SUPT7L: variants seen among roughly 807,000 people sequenced by gnomAD.
The protein encoded by SUPT7L is STAGA complex 65 subunit gamma.
Under a neutral mutation model 35.7 loss-of-function variants are expected in SUPT7L, and 15 were observed. The ratio of observed to expected loss-of-function variants is 0.42; its 90% CI spans 0.28 to 0.65. The LOEUF is 0.65. SUPT7L is among the 30% of genes least tolerant of loss of function. The pLI, the probability that SUPT7L is intolerant of heterozygous loss-of-function variation, is 0.23. For missense variants in SUPT7L, 434 were observed against 522.2 expected (o/e 0.83, Z 1.65); for synonymous variants, 168 against 186.2 (o/e 0.90, Z 0.79).
At chr2:27,644,725 T>G in the SUPT7L span, among the ~76,000 whole-genome samples, 6 of 144,610 alleles carry the variant, frequency 4.1e-5, no homozygotes, top group East Asian at 1.2e-3. Flanking sequence ...TTGGTAGTGT[T>G]TTTTTTTTTT....
At chr2:27,648,204 T>G (rs1329320978), downstream of SUPT7L, among the ~76,000 whole-genome samples, 1 of 152,134 alleles carries the variant, frequency 6.6e-6, no homozygotes, top group Non-Finnish European at 1.5e-5. Context: ...CTTTTGTTTG[T>G]TGTTATTAGT....
In SUPT7L at chr2:27,663,591, A is replaced by G; in HGVS notation, c.-352T>C. ...GGCAAGGATCGCGTCAGACCCCGAA[A>G]GCTGGTTTGTTGATTAGTGATCTAA... On this transcript the variant is annotated 5_prime_UTR_variant, in exon 1 of 6. Transcript: ENST00000337768. 4.6e-6 allele frequency: 3 copies of G among 645,348 alleles called. No homozygotes were observed. The highest frequency in any genetic ancestry group is 3.9e-5 in the South Asian group (2 of 51,716). 40.0% of individuals were successfully genotyped at this position (645,348 alleles called of 1,614,324 possible). A position where few individuals can be genotyped will look rare whatever the true frequency, so the allele number is the denominator to read the frequency against.
chr2:27,661,468 G>T, intron 2 of SUPT7L, 80 bp from the exon 3 acceptor site: 1 of 1,573,966 alleles, frequency 6.4e-7, no homozygotes, highest in Non-Finnish European at 8.6e-7. Flanking sequence ...TTTAAATCCT[G>T]GCAACTTTAG....
chr2:27,654,952 T>C (rs1674722936), intron 5 of SUPT7L, among the ~76,000 whole-genome samples: 1 of 152,112 alleles, frequency 6.6e-6, no homozygotes, highest in Admixed American at 6.5e-5. Context: ...CTTGAGCAAT[T>C]AACACTCCCC....
the SUPT7L span, among the ~76,000 whole-genome samples, chr2:27,644,706 G>GTT: frequency 6.5e-5 from 8 of 123,970 alleles, no homozygotes; most frequent in Non-Finnish European, 1.0e-4. Context: ...GCCTTAGTGA[G>GTT]TTTTTTTTTT....
At chr2:27,650,313 G>C (rs1027570146), downstream of SUPT7L, 7 of 582,400 alleles carry the variant, frequency 1.2e-5, no homozygotes, top group Non-Finnish European at 1.8e-5. Context: ...ATTTTCCTCA[G>C]AGTAGCAAAG....
Position 27,653,620 on chromosome 2 carries a change from T to C in SUPT7L, c.1110A>G (p.Ser370=). 6.2e-7 allele frequency: 1 copy of C among 1,614,218 alleles called. No individual in the cohort carries two copies. The highest frequency in any genetic ancestry group is 2.2e-5 in the East Asian group (1 of 44,876). The change falls in exon 6 of 6, where the codon TCA becomes TCG. Residue 370 remains serine, a synonymous_variant. Transcript: ENST00000337768. ...GAGGAATCCCAGCTTCACTCATGCC[T>C]GACATAGGCTCCTCGAAGACATCAC... The part of the protein sequence containing the change: ...LGSDVFEEPM[S]GMSEAGIPQS...
the SUPT7L span, among the ~76,000 whole-genome samples, chr2:27,643,692 TATTTTATAGAGC>T: frequency 6.6e-6 from 1 of 152,204 alleles, no homozygotes; most frequent in South Asian, 2.1e-4. This position sits in a 1 kb window ranked among gnomAD's most constrained non-coding sequence, Gnocchi z 4.0. Flanking sequence ...GTAGGATAGT[TATTTTATAGAGC>T]ATCCTTCAGT....
chr2:27,643,475 T>TA, the SUPT7L span, among the ~76,000 whole-genome samples: 1 of 152,186 alleles, frequency 6.6e-6, no homozygotes, highest in Non-Finnish European at 1.5e-5. This position sits in a 1 kb window ranked among gnomAD's most constrained non-coding sequence, Gnocchi z 4.0. Context: ...TCAGTGCAGT[T>TA]ATCAGAAATC....
In SUPT7L at chr2:27,652,530, G is replaced by C. The variant is rs1191890287; in HGVS notation, c.*955C>G. ...TACTGATTCAGTACTTATATATACAGATAGTCTGATGGATGAGTAACCACA... is the reference window on the plus strand; with the variant it reads ...TACTGATTCAGTACTTATATATACACATAGTCTGATGGATGAGTAACCACA... On this transcript the variant is annotated 3_prime_UTR_variant, in exon 6 of 6. Transcript: ENST00000337768. 1 of 152,486 alleles carries C rather than the reference G, an allele frequency of 6.6e-6. No individual in the cohort carries two copies. Among genetic ancestry groups the C allele is most frequent in the African/African-American group, 2.4e-5 (1 of 41,444 alleles). 9.4% of individuals were successfully genotyped at this position (152,486 alleles called of 1,614,324 possible).
downstream of SUPT7L, among the ~76,000 whole-genome samples, chr2:27,646,033 A>C (rs1674210073): frequency 1.3e-5 from 2 of 150,104 alleles, no homozygotes; most frequent in African/African-American, 4.9e-5. Flanking sequence ...CCCAGCTTGA[A>C]ATTTATGTAT....
intron 4 of SUPT7L, 72 bp from the exon 5 acceptor site, chr2:27,655,674 C>T: frequency 7.7e-7 from 1 of 1,299,854 alleles, no homozygotes; most frequent in East Asian, 2.4e-5. Context: ...TGTGACGTCC[C>T]ATGGAAAAGC....
Position 27,657,513 on chromosome 2 carries a change from CT to C in SUPT7L, c.575del (p.Lys192SerfsTer24), listed in dbSNP as rs1674859576. 1 of 1,614,264 alleles carries C rather than the reference CT, an allele frequency of 6.2e-7. No individual in the cohort carries two copies. Among genetic ancestry groups the C allele is most frequent in the Non-Finnish European group, 8.5e-7 (1 of 1,180,046 alleles). On this transcript the variant is annotated frameshift_variant, in exon 4 of 6. Coordinates refer to ENST00000337768, the MANE Select transcript of SUPT7L (RefSeq NM_014860.3). LOFTEE classifies it high-confidence loss of function. The surrounding 1 kb of genome is among the most constrained non-coding windows in gnomAD (Gnocchi z 5.2). ...CAGCAAAACGCAGCAACTTGGTAAACTTAAGGCAATACTCATGTGCCACATC... is the reference window on the plus strand; with the variant it reads ...CAGCAAAACGCAGCAACTTGGTAAACTAAGGCAATACTCATGTGCCACATC... ...LTDVAHEYCLKFTKLLRFAVD... is the reference protein window; with the variant it reads ...LTDVAHEYCLXFTKLLRFAVD...
chr2:27,661,064 A>T lies in SUPT7L; in HGVS notation c.339T>A (p.Asp113Glu). 2 of 1,614,198 alleles carry T rather than the reference A, an allele frequency of 1.2e-6. No individual in the cohort carries two copies. Among genetic ancestry groups the T allele is most frequent in the Non-Finnish European group, 1.7e-6 (2 of 1,180,038 alleles). ...PSCPGSPPLP[D>E]DLLPLDCKNP... ...TCTTACAATCTAAAGGCAGGAGGTCATCAGGGAGAGGAGGTGACCCAGGGC... is the reference window on the plus strand; with the variant it reads ...TCTTACAATCTAAAGGCAGGAGGTCTTCAGGGAGAGGAGGTGACCCAGGGC... Residue 113 changes from aspartate to glutamate, a missense_variant, in exon 3 of 6, where the codon GAT (aspartate) becomes GAA (glutamate). Coordinates refer to ENST00000337768, the MANE Select transcript of SUPT7L (RefSeq NM_014860.3).
In SUPT7L at chr2:27,651,825, C is replaced by A. The variant is rs1209349945; in HGVS notation, c.*1660G>T. On this transcript the variant is annotated 3_prime_UTR_variant, in exon 6 of 6. Coordinates refer to ENST00000337768, the MANE Select transcript of SUPT7L (RefSeq NM_014860.3). ...AAACTAACTGCCTAATCGCCACTTT[C>A]ATTATAAACAAAGGAAAATGAAGAT... is the stretch of plus-strand genomic sequence containing the variant. 3 of 152,308 alleles carry A rather than the reference C, an allele frequency of 2.0e-5. No homozygotes were observed. Among genetic ancestry groups the A allele is most frequent in the South Asian group, 4.1e-4 (2 of 4,826 alleles). The allele number at this position is 152,308 out of a possible 1,614,324, so 9.4% of individuals were successfully genotyped here. A position where few individuals can be genotyped will look rare whatever the true frequency, so the allele number is the denominator to read the frequency against.
In SUPT7L at chr2:27,657,672, GA is replaced by G. The variant is rs1435544238; in HGVS notation, c.420-4del. ...CAGTCACAGGTTCCCCTTTCCCACT[GA>G]AAGTGGAGATACGGTGGTGTTATTA... On this transcript the variant is annotated splice_region_variant and splice_polypyrimidine_tract_variant and intron_variant, in intron 3 of 5. Transcript: ENST00000337768. The surrounding 1 kb of genome is among the most constrained non-coding windows in gnomAD (Gnocchi z 5.2). The G allele has an allele frequency of 2.5e-6, 4 of 1,609,238 alleles. No homozygotes were observed. The highest frequency in any genetic ancestry group is 3.4e-6 in the Non-Finnish European group (4 of 1,176,964).
At chr2:27,646,463 A>G (rs547560510), downstream of SUPT7L, among the ~76,000 whole-genome samples, 1 of 152,256 alleles carries the variant, frequency 6.6e-6, no homozygotes, top group East Asian at 1.9e-4. Context: ...TGATTTCTGT[A>G]TATTCATCTT....
Position 27,657,397 on chromosome 2 carries a change from A to G in SUPT7L, c.692T>C (p.Leu231Pro). Reference protein sequence around the residue: ...HEVGIGSVLSLQKFWQHRIKD... With the variant: ...HEVGIGSVLSPQKFWQHRIKD... Reference sequence around the variant, plus strand: ...GATGCGGTGCTGCCAGAACTTCTGGAGGGAGAGCACACTGCCAATACCCAC... The same window carrying G: ...GATGCGGTGCTGCCAGAACTTCTGGGGGGAGAGCACACTGCCAATACCCAC... The change falls in exon 4 of 6, where the codon CTC becomes CCC. Residue 231 changes from leucine (L) to proline (P), a missense_variant. Physicochemically the swap from Leu to Pro is moderately conservative, Grantham distance 98. Around this residue, in one of 3 missense-constraint regions of SUPT7L, gnomAD observed 198 missense variants for 190.8 expected, o/e 1.04. Transcript: ENST00000337768. The surrounding 1 kb of genome is among the most constrained non-coding windows in gnomAD (Gnocchi z 5.2). 2 of 1,614,246 alleles carry G rather than the reference A, an allele frequency of 1.2e-6. No homozygotes were observed. The highest frequency in any genetic ancestry group is 1.7e-6 in the Non-Finnish European group (2 of 1,180,044).
At chr2:27,661,484 A>G (rs1675108810) in intron 2 of SUPT7L, 96 bp from the exon 3 acceptor site, 7 of 1,542,028 alleles carry the variant, frequency 4.5e-6, no homozygotes, top group Non-Finnish European at 6.1e-6. Flanking sequence ...TTTAGATTAT[A>G]GGCTTCTGTA....
Sources: allele counts gnomAD v4.1 joint callset (sites outside exome capture counted in the v4.1 genomes callset), GRCh38; gene constraint gnomAD v4.1.1; regional missense constraint gnomAD v4.1.1; non-coding constraint Gnocchi (gnomAD v3.1); transcripts MANE v1.5; gene names NCBI Gene and HGNC (gene_info 2026-07-23, HGNC 2026-07-21).